PPP1R12B: variants seen among roughly 807,000 people sequenced by gnomAD.
The protein encoded by PPP1R12B is protein phosphatase 1 regulatory subunit 12B, also known as myosin phosphatase target subunit 2.
In PPP1R12B, 76 loss-of-function variants were observed where a neutral mutation model predicts 126.1. That is an observed-to-expected ratio of 0.60 (90% confidence interval 0.50 to 0.73). The LOEUF (loss-of-function observed/expected upper bound fraction) is 0.73, where lower values mean the gene tolerates loss of function less well. Among genes scored for constraint, PPP1R12B ranks in the 30% least tolerant of loss-of-function variants. The pLI is 0.00. For synonymous variants in PPP1R12B, 356 were observed against 434.7 expected (o/e 0.82, Z 2.25); for missense variants, 1,052 against 1,205.1 (o/e 0.87, Z 1.88).
At chr1:202,480,448 C>T (rs1677202250) in intron 13 of PPP1R12B, among the ~76,000 whole-genome samples, 1 of 152,164 alleles carries the variant, frequency 6.6e-6, no homozygotes, top group African/African-American at 2.4e-5. Flanking sequence ...TCATTTTTCA[C>T]AGAACACCGT....
rs200648031 is a variant in PPP1R12B at position 202,362,822 on chromosome 1, G to GTTTA, written c.291+13702_291+13705dup. 2.1e-3 allele frequency among the ~76,000 whole-genome samples: 324 copies of GTTTA among 152,038 alleles called. No homozygotes were observed. The East Asian group carries it at 0.035, about 17-fold the overall frequency. On this transcript the variant is annotated intron_variant, in intron 1 of 23. Transcript: ENST00000608999. Reference sequence around the variant, plus strand: ...TATAATGCACTTCTGTAGTTTGAATGTTTATTTATTTATTTATTTATTTAT... The same window carrying GTTTA: ...TATAATGCACTTCTGTAGTTTGAATGTTTATTTATTTATTTATTTATTTATTTAT...
At chr1:202,503,623 G>A (rs566055664) in intron 18 of PPP1R12B, among the ~76,000 whole-genome samples, 5 of 152,252 alleles carry the variant, frequency 3.3e-5, no homozygotes, top group East Asian at 1.9e-4. Context: ...GGAGCACTCC[G>A]AAATTCAAAT....
chr1:202,488,756 C>T (rs927410376), intron 14 of PPP1R12B, 133 bp downstream of exon 14: 37 of 816,252 alleles, frequency 4.5e-5, no homozygotes, highest in Middle Eastern at 3.6e-4. Context: ...CACGGCTTGG[C>T]GTGGTGGCTC....
chr1:202,479,234 A>G (rs1344040819), intron 13 of PPP1R12B, among the ~76,000 whole-genome samples: 1 of 152,212 alleles, frequency 6.6e-6, no homozygotes, highest in Non-Finnish European at 1.5e-5. Context: ...AAAAAATATG[A>G]GTATTAAAAA....
At position 202,438,020 on chromosome 1, in the gene PPP1R12B, A is replaced by T. The variant is rs1439526298; in HGVS notation, c.1454A>T (p.Asp485Val). 1 of 1,613,860 alleles carries T rather than the reference A, an allele frequency of 6.2e-7. No individual in the cohort carries two copies. The highest frequency in any genetic ancestry group is 1.7e-5 in the Admixed American group (1 of 60,018). The change falls in exon 10 of 24, where the codon GAT becomes GTT. Residue 485 changes from aspartate (D) to valine (V), a missense_variant. Physicochemically the swap from Asp to Val is radical, Grantham distance 152 (BLOSUM62 -3). Transcript: ENST00000608999. Reference sequence around the variant, plus strand: ...ATTTCTGCTCTACTGGACAACAAAGATAAGGTGCAGTTTGGGAGGGTATGG... The same window carrying T: ...ATTTCTGCTCTACTGGACAACAAAGTTAAGGTGCAGTTTGGGAGGGTATGG... ...PRISALLDNKDKERENKSYIS... is the reference protein window; with the variant it reads ...PRISALLDNKVKERENKSYIS...
Position 202,437,944 on chromosome 1 carries a change from C to G in PPP1R12B, c.1378C>G (p.Pro460Ala), listed in dbSNP as rs371888764. The change falls in exon 10 of 24, where the codon CCT becomes GCT. Residue 460 changes from proline (P) to alanine (A), a missense_variant. Coordinates refer to ENST00000608999, the MANE Select transcript of PPP1R12B (RefSeq NM_002481.4). ...MLSEVANSRE[P>A]IRDRGSSIYR... ...GAGTGAGGTGGCCAATTCCAGGGAA[C>G]CTATAAGGGACCGAGGCTCTTCCAT... 189 of 1,613,914 alleles carry G rather than the reference C, an allele frequency of 1.2e-4. No homozygotes were observed. In the African/African-American group the frequency reaches 1.8e-3, roughly 15 times the overall value.
At chr1:202,493,044 T>C in intron 14 of PPP1R12B, 70 bp from the exon 15 acceptor site, 3 of 1,501,402 alleles carry the variant, frequency 2.0e-6, no homozygotes, top group Non-Finnish European at 2.7e-6. Context: ...TTTTTGGGAA[T>C]ATTCCTGATC....
At chr1:202,438,868 A>C in intron 10 of PPP1R12B, 4 of 1,281,992 alleles carry the variant, frequency 3.1e-6, no homozygotes, top group Non-Finnish European at 3.4e-6. Flanking sequence ...ATCTACTGCT[A>C]TAGCCCCCAG....
At chr1:202,477,888 G>C (rs1257180795) in intron 13 of PPP1R12B, among the ~76,000 whole-genome samples, 8 of 152,228 alleles carry the variant, frequency 5.3e-5, no homozygotes, top group Admixed American at 5.2e-4. Flanking sequence ...AGTAGATAGA[G>C]ATGGTAATAA....
intron 13 of PPP1R12B, among the ~76,000 whole-genome samples, chr1:202,476,512 C>T (rs925369630): frequency 6.6e-6 from 1 of 151,336 alleles, no homozygotes; most frequent in Non-Finnish European, 1.5e-5. Context: ...GTGGAAACAC[C>T]GCTCTACTAA....
chr1:202,391,644 A>AAACATGTGTCCATACAACAC (rs1558168098), intron 1 of PPP1R12B, among the ~76,000 whole-genome samples: 17 of 113,766 alleles, frequency 1.5e-4, no homozygotes, highest in Non-Finnish European at 1.8e-4. Flanking sequence ...AGATAAATGA[A>AAACATGTGTCCATACAACAC]TTATCTTCAG....
chr1:202,537,731 G>C (rs72748792), intron 18 of PPP1R12B, among the ~76,000 whole-genome samples: 4,687 of 152,282 alleles, frequency 0.031, 107 homozygotes, highest in Middle Eastern at 0.092. Context: ...TGATCAAGTT[G>C]TTCTTGCCAT....
At chr1:202,374,081 A>G (rs1660744041) in intron 1 of PPP1R12B, among the ~76,000 whole-genome samples, 1 of 152,160 alleles carries the variant, frequency 6.6e-6, no homozygotes, top group African/African-American at 2.4e-5. Context: ...TGTAGCTTTA[A>G]CTGAGGCACT....
intron 1 of PPP1R12B, among the ~76,000 whole-genome samples, chr1:202,401,804 G>T (rs1050748031): frequency 6.6e-6 from 1 of 152,162 alleles, no homozygotes; most frequent in Admixed American, 6.6e-5. Context: ...CCTCCATTCT[G>T]TTCTGAAATT....
intron 21 of PPP1R12B, 57 bp from the exon 22 acceptor site, chr1:202,567,721 G>A (rs1275756679): frequency 5.7e-6 from 9 of 1,572,638 alleles, no homozygotes; most frequent in African/African-American, 4.1e-5. Flanking sequence ...TAGACTGGGC[G>A]TTCTACTGGC....
chr1:202,385,075 C>G (rs1398197980), intron 1 of PPP1R12B, among the ~76,000 whole-genome samples: 1 of 152,056 alleles, frequency 6.6e-6, no homozygotes, highest in Non-Finnish European at 1.5e-5. Context: ...CTTGGATTTC[C>G]TGGTGATGAG....
chr1:202,540,878 A>C (rs543219892), intron 18 of PPP1R12B, among the ~76,000 whole-genome samples: 1 of 152,336 alleles, frequency 6.6e-6, no homozygotes, highest in Non-Finnish European at 1.5e-5. Context: ...ACTCTTGGCC[A>C]TTGACAACCA....
At chr1:202,479,233 G>A (rs1310301626) in intron 13 of PPP1R12B, among the ~76,000 whole-genome samples, 8 of 152,312 alleles carry the variant, frequency 5.3e-5, no homozygotes. Context: ...GAAAAAATAT[G>A]AGTATTAAAA....
chr1:202,430,992 C>G (rs1278068446), intron 7 of PPP1R12B, among the ~76,000 whole-genome samples, 182 bp downstream of exon 7: 2 of 152,182 alleles, frequency 1.3e-5, no homozygotes, highest in Non-Finnish European at 1.5e-5. Flanking sequence ...GTGAGGGAGA[C>G]ACTAAGGATG....
Sources: gnomAD v4.1 joint callset for allele counts (sites outside exome capture counted in the v4.1 genomes callset) on GRCh38, gnomAD v4.1.1 for gene constraint, MANE v1.5 for transcripts, NCBI Gene and HGNC (gene_info 2026-07-23, HGNC 2026-07-21) for gene names.